SAXO1: variants seen among roughly 807,000 people sequenced by gnomAD.
The protein encoded by SAXO1 is stabilizer of axonemal microtubules 1.
In SAXO1, 21 loss-of-function variants were observed where a neutral mutation model predicts 17.5. The observed-to-expected ratio is 1.20, with a 90% confidence interval of 0.85 to 1.72. The LOEUF (loss-of-function observed/expected upper bound fraction) is 1.72. Ranked by LOEUF, SAXO1 falls within the 40% of genes most tolerant of loss-of-function variation. The pLI, the probability that SAXO1 is intolerant of heterozygous loss-of-function variation, is 0.00. For missense variants in SAXO1, 843 were observed against 596.0 expected, an observed-to-expected ratio of 1.41 and a Z score of -4.32; for synonymous variants, 274 against 216.5, an observed-to-expected ratio of 1.27 and a Z score of -2.33.
chr9:19,034,193 T>C (rs1835873352), upstream of SAXO1, among the ~76,000 whole-genome samples: 1 of 152,198 alleles, frequency 6.6e-6, no homozygotes, highest in South Asian at 2.1e-4. Flanking sequence ...CCTAACTCTT[T>C]CCATTCATTT....
intron 1 of SAXO1, among the ~76,000 whole-genome samples, chr9:18,999,103 C>G (rs377242447): frequency 7.2e-5 from 11 of 152,328 alleles, no homozygotes; most frequent in African/African-American, 2.6e-4. Flanking sequence ...TCACACATAA[C>G]AATATGAACC....
upstream of SAXO1, among the ~76,000 whole-genome samples, chr9:19,033,544 G>A (rs1835855466): frequency 6.6e-6 from 1 of 152,236 alleles, no homozygotes; most frequent in African/African-American, 2.4e-5. Flanking sequence ...CTTCCAAAAG[G>A]CTTGCCTTGA....
At chr9:18,981,388 G>C (rs984834737) in intron 1 of SAXO1, among the ~76,000 whole-genome samples, 5 of 152,126 alleles carry the variant, frequency 3.3e-5, no homozygotes, top group African/African-American at 1.2e-4. Context: ...AAGGTCATAC[G>C]TGTGGTTGGT....
Position 18,941,843 on chromosome 9 carries a change from T to A in SAXO1, c.219-4A>T, listed in dbSNP as rs1345334004. The A allele has an allele frequency of 6.2e-7, 1 of 1,614,180 alleles. No individual in the cohort carries two copies. The highest frequency in any genetic ancestry group is 1.1e-5 in the South Asian group (1 of 91,090). ...TTTGTGAGGCCCAAAATCTCTCCTG[T>A]AAGGAAGCAAGTGCATGCTGTTGGG... On this transcript the variant is annotated splice_region_variant and splice_polypyrimidine_tract_variant and intron_variant, in intron 2 of 3. Transcript: ENST00000380534.
chr9:18,985,980 C>T (rs370343999), intron 1 of SAXO1, among the ~76,000 whole-genome samples: 11 of 152,256 alleles, frequency 7.2e-5, no homozygotes, highest in African/African-American at 2.6e-4. Context: ...GAATTACTCC[C>T]TAGAGACAGT....
upstream of SAXO1, among the ~76,000 whole-genome samples, chr9:19,036,525 C>A (rs1835944073): frequency 6.6e-6 from 1 of 152,130 alleles, no homozygotes; most frequent in Admixed American, 6.5e-5. Context: ...TGCCCTGCAT[C>A]CCAGCTGCTC....
At chr9:18,942,480 A>T (rs1188266176) in intron 2 of SAXO1, among the ~76,000 whole-genome samples, 1 of 151,998 alleles carries the variant, frequency 6.6e-6, no homozygotes, top group Non-Finnish European at 1.5e-5. Flanking sequence ...TGCCGCTGCC[A>T]CCTTCTCTGT....
At chr9:18,971,980 AAAC>A (rs1454767720) in intron 1 of SAXO1, among the ~76,000 whole-genome samples, 1 of 152,204 alleles carries the variant, frequency 6.6e-6, no homozygotes, top group Non-Finnish European at 1.5e-5. Flanking sequence ...TTACTTGACA[AAAC>A]AAGAAGATTT....
At chr9:19,014,248 G>A (rs576378685) in intron 1 of SAXO1, among the ~76,000 whole-genome samples, 1 of 152,018 alleles carries the variant, frequency 6.6e-6, no homozygotes, top group South Asian at 2.1e-4. Flanking sequence ...ATCACTTGAG[G>A]CCAGGAGTGC....
intron 1 of SAXO1, among the ~76,000 whole-genome samples, chr9:18,958,693 C>G (rs1461979879): frequency 6.6e-6 from 1 of 151,874 alleles, no homozygotes; most frequent in East Asian, 1.9e-4. Context: ...AGCCAAAACG[C>G]TGGGTTAGGA....
chr9:19,027,639 G>A (rs1050112575), intron 1 of SAXO1: 12 of 1,412,420 alleles, frequency 8.5e-6, no homozygotes, highest in African/African-American at 4.2e-5. Flanking sequence ...AAGCTAGTCC[G>A]GGATGCCTTC....
chr9:19,045,434 C>A (rs1166716645), intron 1 of SAXO1, among the ~76,000 whole-genome samples: 1 of 115,132 alleles, frequency 8.7e-6, no homozygotes, highest in East Asian at 2.0e-4. Flanking sequence ...AGTTTTTATT[C>A]CCTGCAAAGA....
At position 18,972,838 on chromosome 9, in the gene SAXO1, G is replaced by A. The variant is rs188672549; in HGVS notation, c.39-21901C>T. Among the ~76,000 whole-genome samples, 241 of 152,246 alleles carry A rather than the reference G, an allele frequency of 1.6e-3. 1 individual carries two copies. Among genetic ancestry groups the A allele is most frequent in the Middle Eastern group, 3.4e-3 (1 of 294 alleles). ...TGGTGCCCACACTGCACTAAGCCTC[G>A]AGTCCTTCCGGGCCTAAGGCCATGG... On this transcript the variant is annotated intron_variant, in intron 1 of 3. Coordinates refer to ENST00000380534, the MANE Select transcript of SAXO1 (RefSeq NM_153707.4).
chr9:18,996,997 C>T (rs1244182155), intron 1 of SAXO1, among the ~76,000 whole-genome samples: 2 of 151,958 alleles, frequency 1.3e-5, no homozygotes, highest in African/African-American at 4.8e-5. Flanking sequence ...CGAATAGGAA[C>T]AGCTCTGGTC....
At position 18,941,850 on chromosome 9, in the gene SAXO1, G is replaced by A. The variant is rs200980880; in HGVS notation, c.219-11C>T. 1 of 1,613,922 alleles carries A rather than the reference G, an allele frequency of 6.2e-7. No homozygotes were observed. Among genetic ancestry groups the A allele is most frequent in the Non-Finnish European group, 8.5e-7 (1 of 1,179,810 alleles). On this transcript the variant is annotated splice_polypyrimidine_tract_variant and intron_variant, in intron 2 of 3. Transcript: ENST00000380534. Reference sequence around the variant, plus strand: ...GGCCCAAAATCTCTCCTGTAAGGAAGCAAGTGCATGCTGTTGGGGTCCTTG... The same window carrying A: ...GGCCCAAAATCTCTCCTGTAAGGAAACAAGTGCATGCTGTTGGGGTCCTTG...
intron 1 of SAXO1, among the ~76,000 whole-genome samples, chr9:19,006,644 A>C (rs190084446): frequency 7.6e-4 from 116 of 152,366 alleles, no homozygotes; most frequent in Non-Finnish European, 8.8e-5. Context: ...ATTTTTGTTT[A>C]AACAAGTACA....
At position 19,030,836 on chromosome 9, in the gene SAXO1, T is replaced by C. The variant is rs1835733032; in HGVS notation, c.38+2035A>G. ...ATGAATGGGGCAGATACCAGAATAATGTTTGAAGGTTGTTGAAGTTGAGAT... is the reference window on the plus strand; with the variant it reads ...ATGAATGGGGCAGATACCAGAATAACGTTTGAAGGTTGTTGAAGTTGAGAT... On this transcript the variant is annotated intron_variant, in intron 1 of 3. Transcript: ENST00000380534. 2.6e-5 allele frequency among the ~76,000 whole-genome samples: 4 copies of C among 152,154 alleles called. No homozygotes were observed. In the South Asian group the frequency reaches 8.3e-4, roughly 32 times the overall value.
rs181152445 is a variant in SAXO1, at chr9:19,021,630, C to T, written c.38+11241G>A. Among the ~76,000 whole-genome samples the T allele has an allele frequency of 3.3e-5, 5 of 152,294 alleles. No homozygotes were observed. In the East Asian group the frequency reaches 9.6e-4, roughly 29 times the overall value. ...CAAGGACCTGAACAAGTTCACAAAG[C>T]TTGTAAGTAATTAAATCCAGGACTG... On this transcript the variant is annotated intron_variant, in intron 1 of 3. Coordinates refer to ENST00000380534, the MANE Select transcript of SAXO1 (RefSeq NM_153707.4).
chr9:18,930,793 C>T (rs545453773), intron 3 of SAXO1, among the ~76,000 whole-genome samples: 1 of 152,370 alleles, frequency 6.6e-6, no homozygotes, highest in South Asian at 2.1e-4. Context: ...GCCACCACGC[C>T]CGGCCTACTG....
Sources: allele counts gnomAD v4.1 joint callset (sites outside exome capture counted in the v4.1 genomes callset), GRCh38; gene constraint gnomAD v4.1.1; transcripts MANE v1.5; gene names NCBI Gene and HGNC (gene_info 2026-07-23, HGNC 2026-07-21).